The following SLC35F3 variants were observed in gnomAD, a reference collection of about 807,000 sequenced individuals.
SLC35F3 encodes solute carrier family 35 member F3, also known as putative thiamine transporter SLC35F3.
Under a neutral mutation model 49.9 loss-of-function variants are expected in SLC35F3, and 25 were observed. The observed-to-expected ratio is 0.50, with a 90% CI of 0.37 to 0.70. SLC35F3 has a LOEUF of 0.70. SLC35F3 is among the 30% of genes least tolerant of loss of function. The pLI, the probability that SLC35F3 is intolerant of heterozygous loss-of-function variation, is 0.00. For synonymous variants in SLC35F3, 275 were observed against 265.4 expected (o/e 1.04, Z -0.35); for missense variants, 525 against 639.8 (o/e 0.82, Z 1.94).
At chr1:233,969,434 CCTT>C (rs142665312) in intron 2 of SLC35F3, among the ~76,000 whole-genome samples, 1,895 of 152,298 alleles carry the variant, frequency 0.012, 28 homozygotes, top group Middle Eastern at 0.048. Flanking sequence ...CATCCTTTGC[CCTT>C]CTTCTTTCCT....
At chr1:234,194,374 T>A (rs1041177400) in intron 2 of SLC35F3, among the ~76,000 whole-genome samples, 9 of 152,068 alleles carry the variant, frequency 5.9e-5, no homozygotes, top group Non-Finnish European at 1.0e-4. Flanking sequence ...ATGTTCTCAC[T>A]CATAAGTGGG....
At chr1:234,257,737 T>C (rs762790796) in intron 3 of SLC35F3, among the ~76,000 whole-genome samples, 18 of 152,192 alleles carry the variant, frequency 1.2e-4, no homozygotes, top group Non-Finnish European at 2.1e-4. Context: ...AAAAATCAAA[T>C]GGTTACATAA....
chr1:234,275,773 T>A (rs1042572715), intron 3 of SLC35F3, among the ~76,000 whole-genome samples: 10 of 149,740 alleles, frequency 6.7e-5, no homozygotes, highest in Non-Finnish European at 1.3e-4. Flanking sequence ...AATATATATA[T>A]ATATATATAG....
At chr1:234,150,421 A>G (rs1384206197) in intron 2 of SLC35F3, among the ~76,000 whole-genome samples, 1 of 152,142 alleles carries the variant, frequency 6.6e-6, no homozygotes, top group Non-Finnish European at 1.5e-5. Flanking sequence ...CCATCATCTT[A>G]TACATTTTTG....
chr1:234,148,478 G>A (rs1466588712), intron 2 of SLC35F3, among the ~76,000 whole-genome samples: 1 of 152,124 alleles, frequency 6.6e-6, no homozygotes, highest in Non-Finnish European at 1.5e-5. Flanking sequence ...TGTTAAACTA[G>A]AGACAGAAAA....
chr1:233,972,731 T>C (rs1032348596), intron 2 of SLC35F3, among the ~76,000 whole-genome samples: 2 of 152,236 alleles, frequency 1.3e-5, no homozygotes, highest in African/African-American at 4.8e-5. Context: ...CATTTCTCTG[T>C]TCAAACATTA....
intron 2 of SLC35F3, among the ~76,000 whole-genome samples, chr1:234,110,800 C>T (rs893780490): frequency 5.9e-5 from 9 of 152,108 alleles, no homozygotes; most frequent in African/African-American, 1.9e-4. Context: ...AGCAACTGGT[C>T]TTGAGAAAAT....
At chr1:233,976,175 G>A (rs1663077003) in intron 2 of SLC35F3, among the ~76,000 whole-genome samples, 2 of 152,184 alleles carry the variant, frequency 1.3e-5, no homozygotes. Flanking sequence ...TGTTTTTTAA[G>A]TAGCCTGGCT....
intron 2 of SLC35F3, among the ~76,000 whole-genome samples, chr1:234,034,037 G>T (rs1292527007): frequency 2.0e-5 from 3 of 152,148 alleles, no homozygotes; most frequent in Non-Finnish European, 4.4e-5. Context: ...TCTTTCAGCA[G>T]TGTTTTATAG....
chr1:233,954,161 C>T (rs957369355), intron 2 of SLC35F3, among the ~76,000 whole-genome samples: 11 of 152,176 alleles, frequency 7.2e-5, no homozygotes, highest in Non-Finnish European at 8.8e-5. Flanking sequence ...CATGTGCCAC[C>T]GCACCTGGGT....
At chr1:234,107,431 T>C (rs1208803179) in intron 2 of SLC35F3, among the ~76,000 whole-genome samples, 2 of 152,220 alleles carry the variant, frequency 1.3e-5, no homozygotes, top group Non-Finnish European at 2.9e-5. Context: ...TTCTTCATGA[T>C]TCTGGAGGCT....
intron 2 of SLC35F3, among the ~76,000 whole-genome samples, chr1:234,186,234 C>T (rs1467262544): frequency 1.3e-5 from 2 of 151,800 alleles, no homozygotes; most frequent in Non-Finnish European, 2.9e-5. Flanking sequence ...TGCTTCAAAG[C>T]ATTGCTCAAG....
chr1:233,971,489 AG>A (rs1662991481), intron 2 of SLC35F3, among the ~76,000 whole-genome samples: 1 of 152,192 alleles, frequency 6.6e-6, no homozygotes, highest in South Asian at 2.1e-4. Context: ...TGGGAGGCCG[AG>A]GCGGGTGGAT....
chr1:234,055,251 GTC>G (rs2102859652), intron 2 of SLC35F3, among the ~76,000 whole-genome samples: 1 of 152,254 alleles, frequency 6.6e-6, no homozygotes, highest in African/African-American at 2.4e-5. Context: ...GGTCTACAGA[GTC>G]TATAGAGTCT....
chr1:234,049,446 G>A (rs1006888962), intron 2 of SLC35F3, among the ~76,000 whole-genome samples: 48 of 152,002 alleles, frequency 3.2e-4, no homozygotes, highest in African/African-American at 1.0e-3. Context: ...ACAACAAGAA[G>A]CCAGCCATTT....
intron 2 of SLC35F3, among the ~76,000 whole-genome samples, chr1:233,976,558 A>T (rs966841026): frequency 6.6e-6 from 1 of 152,204 alleles, no homozygotes; most frequent in South Asian, 2.1e-4. Context: ...ATTTAAAAGT[A>T]TCTGTAAACA....
At chr1:234,181,246 G>A (rs995420708) in intron 2 of SLC35F3, among the ~76,000 whole-genome samples, 2 of 147,900 alleles carry the variant, frequency 1.4e-5, no homozygotes, top group South Asian at 4.2e-4. Context: ...TGAGGCACAA[G>A]AATCACTTGA....
intron 2 of SLC35F3, among the ~76,000 whole-genome samples, chr1:234,072,461 A>G (rs192574682): frequency 6.6e-6 from 1 of 152,332 alleles, no homozygotes; most frequent in African/African-American, 2.4e-5. Flanking sequence ...GTAGAAAGAG[A>G]GAGACATGAA....
intron 2 of SLC35F3, among the ~76,000 whole-genome samples, chr1:234,110,054 C>T (rs1342166589): frequency 6.6e-6 from 1 of 151,884 alleles, no homozygotes. Flanking sequence ...GGATGGAAAG[C>T]GAAGGACAGG....
Sources: allele counts gnomAD v4.1 joint callset (sites outside exome capture counted in the v4.1 genomes callset), GRCh38; gene constraint gnomAD v4.1.1; transcripts MANE v1.5; gene names NCBI Gene and HGNC (gene_info 2026-07-23, HGNC 2026-07-21).